The following CELF2 variants were observed in gnomAD, a reference collection of about 807,000 sequenced individuals.
CELF2 encodes CUGBP Elav-like family member 2, also known as CUG triplet repeat RNA-binding protein 2.
A neutral mutation model predicts 62.6 loss-of-function variants in CELF2; 8 were observed. That is an observed-to-expected ratio of 0.13 (90% CI 0.07 to 0.23). The LOEUF is 0.23. Ranked by LOEUF, CELF2 falls within the 10% of genes least tolerant of loss-of-function variation. The probability of loss-of-function intolerance (pLI) is 1.00; values close to 1 mark genes in which losing one functional copy is unlikely to be tolerated. For synonymous variants in CELF2, 258 were observed against 250.0 expected, an observed-to-expected ratio of 1.03 and a Z score of -0.30; for missense variants, 333 against 671.0, an observed-to-expected ratio of 0.50 and a Z score of 5.56.
At chr10:10,804,725 T>C (rs536870407) in intron 1 of CELF2, among the ~76,000 whole-genome samples, 1 of 152,330 alleles carries the variant, frequency 6.6e-6, no homozygotes, top group East Asian at 1.9e-4. Context: ...CACACGTTGA[T>C]GGGAAACATA....
the CELF2 span, among the ~76,000 whole-genome samples, chr10:10,599,787 A>G: frequency 7.1e-6 from 1 of 140,790 alleles, no homozygotes; most frequent in Non-Finnish European, 1.5e-5. Context: ...GCTGGAGTGC[A>G]GTGGCACGAT....
chr10:10,799,132 G>A (rs1230127697), intron 1 of CELF2, among the ~76,000 whole-genome samples: 1 of 152,106 alleles, frequency 6.6e-6, no homozygotes, highest in African/African-American at 2.4e-5. Flanking sequence ...GGCTTCAGGG[G>A]GGCATTAAAG....
At chr10:10,901,867 A>G (rs997922347) in intron 1 of CELF2, among the ~76,000 whole-genome samples, 3 of 152,230 alleles carry the variant, frequency 2.0e-5, no homozygotes, top group Admixed American at 2.0e-4. Context: ...AAGAATCCCC[A>G]ACAATTCAAC....
intron 1 of CELF2, among the ~76,000 whole-genome samples, chr10:11,128,902 T>G (rs549256781): frequency 6.6e-6 from 1 of 152,340 alleles, no homozygotes; most frequent in Non-Finnish European, 1.5e-5. Context: ...TGGCCAGAAC[T>G]TCCAACACTA....
chr10:11,213,182 G>A (rs2062381144), intron 2 of CELF2, among the ~76,000 whole-genome samples: 1 of 151,484 alleles, frequency 6.6e-6, no homozygotes, highest in African/African-American at 2.4e-5. Context: ...CCAAGGGACT[G>A]TCCCCTCTGA....
the CELF2 span, among the ~76,000 whole-genome samples, chr10:10,462,615 C>CTTTTTTTTTTTTTTTTTTTTTTTTCTTT: frequency 1.4e-5 from 1 of 69,414 alleles, no homozygotes; most frequent in African/African-American, 5.7e-5. Context: ...TTTTTTTCAT[C>CTTTTTTTTTTTTTTTTTTTTTTTTCTTT]TTTTTTTTTT....
chr10:10,664,499 T>C, the CELF2 span, among the ~76,000 whole-genome samples: 1 of 152,192 alleles, frequency 6.6e-6, no homozygotes, highest in Non-Finnish European at 1.5e-5. Flanking sequence ...CACGTGAATT[T>C]CCTCTATATT....
chr10:10,517,351 T>C, the CELF2 span, among the ~76,000 whole-genome samples: 1 of 152,076 alleles, frequency 6.6e-6, no homozygotes, highest in Admixed American at 6.5e-5. Flanking sequence ...TTTAATCAGC[T>C]TCCTCATGTT....
intron 2 of CELF2, among the ~76,000 whole-genome samples, chr10:11,208,885 A>T (rs887981032): frequency 1.4e-4 from 21 of 152,192 alleles, no homozygotes; most frequent in African/African-American, 5.1e-4. Context: ...CCGACTCCCA[A>T]CGTTTGCTAC....
intron 1 of CELF2, among the ~76,000 whole-genome samples, chr10:10,866,408 C>T (rs1295594962): frequency 6.6e-6 from 1 of 151,574 alleles, no homozygotes; most frequent in East Asian, 2.0e-4. Context: ...GAGTTTGAGA[C>T]CAGCCTGGCC....
chr10:11,299,632 C>T (rs1196948984), intron 9 of CELF2, among the ~76,000 whole-genome samples: 4 of 152,126 alleles, frequency 2.6e-5, no homozygotes, highest in Non-Finnish European at 5.9e-5. Context: ...TTGTGATCCA[C>T]GTGAGGAAAA....
chr10:11,166,714 G>A (rs1020115733), intron 2 of CELF2, among the ~76,000 whole-genome samples: 4 of 152,180 alleles, frequency 2.6e-5, no homozygotes, highest in Non-Finnish European at 5.9e-5. Context: ...ACCTCTGAAA[G>A]CATCACTTGG....
In CELF2 at chr10:11,165,600, G is replaced by C; in HGVS notation, c.189G>C (p.Leu63=). The C allele has an allele frequency of 6.2e-7, 1 of 1,614,228 alleles. No individual in the cohort carries two copies. Among genetic ancestry groups the C allele is most frequent in the East Asian group, 2.2e-5 (1 of 44,878 alleles). Residue 63 remains leucine, a synonymous_variant, in exon 2 of 13, where the codon CTG becomes CTC. Transcript: ENST00000633077. The surrounding 1 kb of genome is among the most constrained non-coding windows in gnomAD (Gnocchi z 7.4). The part of the protein sequence containing the change: ...QIPRSWSEKE[L]KELFEPYGAV... ...CCCGGTCATGGTCGGAAAAGGAGCT[G>C]AAAGAACTTTTTGAGCCTTACGGAG...
intron 2 of CELF2, among the ~76,000 whole-genome samples, chr10:11,168,004 A>G (rs1452802072): frequency 2.0e-5 from 3 of 152,168 alleles, no homozygotes; most frequent in African/African-American, 4.8e-5. Flanking sequence ...ATGAGATGAG[A>G]TGGCAGAGTA....
the CELF2 span, among the ~76,000 whole-genome samples, chr10:10,514,577 G>C: frequency 6.6e-6 from 1 of 152,234 alleles, no homozygotes; most frequent in African/African-American, 2.4e-5. Context: ...CCCTGGCCGA[G>C]AGCAGGAGCC....
Position 11,300,710 on chromosome 10 carries a change from A to G in CELF2, c.976+12158A>G, listed in dbSNP as rs1234177333. Among the ~76,000 whole-genome samples, 2 of 152,182 alleles carry G rather than the reference A, an allele frequency of 1.3e-5. No individual in the cohort carries two copies. The highest frequency in any genetic ancestry group is 2.9e-5 in the Non-Finnish European group (2 of 68,038). On this transcript the variant is annotated intron_variant, in intron 9 of 12. Coordinates refer to ENST00000633077, the MANE Select transcript of CELF2 (RefSeq NM_001326342.2). This position sits in a 1 kb window ranked among gnomAD's most constrained non-coding sequence, Gnocchi z 5.5. ...GCCTGTGTCATGGCTTAATTATCCT[A>G]CTTCCTCACAATCTTTTCCTGCGCA...
chr10:11,141,091 C>G (rs905667238), intron 1 of CELF2, among the ~76,000 whole-genome samples: 1 of 152,202 alleles, frequency 6.6e-6, no homozygotes, highest in African/African-American at 2.4e-5. Flanking sequence ...TGAACACTCA[C>G]CACATGCCGG....
intron 1 of CELF2, among the ~76,000 whole-genome samples, chr10:10,840,471 A>C (rs1406053890): frequency 6.6e-6 from 1 of 152,194 alleles, no homozygotes; most frequent in Non-Finnish European, 1.5e-5. Context: ...GACAGTGGAT[A>C]TCTTTTTGTA....
the CELF2 span, among the ~76,000 whole-genome samples, chr10:10,482,388 T>C: frequency 6.6e-6 from 1 of 152,246 alleles, no homozygotes; most frequent in South Asian, 2.1e-4. Flanking sequence ...ACTATGCTTT[T>C]ATAGCATTAA....
Sources: allele counts gnomAD v4.1 joint callset (sites outside exome capture counted in the v4.1 genomes callset), GRCh38; gene constraint gnomAD v4.1.1; non-coding constraint Gnocchi (gnomAD v3.1); transcripts MANE v1.5; gene names NCBI Gene and HGNC (gene_info 2026-07-23, HGNC 2026-07-21).